DIP2C: variants seen among roughly 807,000 people sequenced by gnomAD.
The protein encoded by DIP2C is DIP2 acetate--CoA ligase C (putative).
DIP2C carries 33 observed loss-of-function variants against 192.4 expected under a neutral mutation model. The observed-to-expected ratio is 0.17, with a 90% confidence interval of 0.13 to 0.23. The LOEUF (loss-of-function observed/expected upper bound fraction) is 0.23, where lower values mean the gene tolerates loss of function less well. Among genes scored for constraint, DIP2C ranks in the 10% least tolerant of loss-of-function variants. The pLI is 1.00. For missense variants in DIP2C, 1,537 were observed against 2,110.1 expected (o/e 0.73, Z 5.32); for synonymous variants, 979 against 864.1 (o/e 1.13, Z -2.33).
chr10:488,381 A>C (rs527893324), intron 1 of DIP2C, among the ~76,000 whole-genome samples: 1 of 152,216 alleles, frequency 6.6e-6, no homozygotes, highest in South Asian at 2.1e-4. Context: ...CCCAAAGATG[A>C]AAGTGTTTAA....
chr10:625,469 G>C (rs753336544), intron 1 of DIP2C, among the ~76,000 whole-genome samples: 14 of 152,288 alleles, frequency 9.2e-5, no homozygotes, highest in Middle Eastern at 3.4e-3. Context: ...GAAAGGCCGC[G>C]AAGAGGCCGG....
intron 1 of DIP2C, among the ~76,000 whole-genome samples, chr10:638,070 C>T (rs897099538): frequency 1.3e-5 from 2 of 152,200 alleles, no homozygotes; most frequent in East Asian, 3.9e-4. Context: ...GACACAGCCC[C>T]GGCCAGGTGT....
chr10:415,959 TCCCACAGC>T lies in DIP2C; in HGVS notation c.740-79_740-72del, dbSNP rs1200105312. 8 of 1,598,430 alleles carry T rather than the reference TCCCACAGC, an allele frequency of 5.0e-6. No individual in the cohort carries two copies. The African/African-American group carries it at 5.5e-5, about 11-fold the overall frequency. ...TCAATGAGCACCCACAGTCCCACAG[TCCCACAGC>T]CCCCTCCCCAGCGCGGCTACAACAG... On this transcript the variant is annotated intron_variant, in intron 6 of 36. Transcript: ENST00000280886.
At chr10:434,927 A>T (rs1967055909) in intron 4 of DIP2C, among the ~76,000 whole-genome samples, 1 of 152,170 alleles carries the variant, frequency 6.6e-6, no homozygotes. Context: ...CGTAGTTTGA[A>T]AATTATATGC....
intron 31 of DIP2C, among the ~76,000 whole-genome samples, chr10:314,483 C>T (rs909746114): frequency 1.3e-5 from 2 of 152,192 alleles, no homozygotes; most frequent in African/African-American, 2.4e-5. Context: ...TCGGCACCAG[C>T]CAGGATTTCC....
intron 1 of DIP2C, among the ~76,000 whole-genome samples, chr10:524,843 G>A (rs888285269): frequency 3.3e-5 from 5 of 151,674 alleles, no homozygotes; most frequent in African/African-American, 4.9e-5. Context: ...CAGGACTTTC[G>A]CTATTTTAAA....
At chr10:571,236 T>G (rs1849777151) in intron 1 of DIP2C, among the ~76,000 whole-genome samples, 1 of 152,202 alleles carries the variant, frequency 6.6e-6, no homozygotes, top group African/African-American at 2.4e-5. Flanking sequence ...CAGCAAACAG[T>G]GGCTGTGCGG....
intron 1 of DIP2C, among the ~76,000 whole-genome samples, chr10:598,632 C>T (rs934901560): frequency 1.3e-5 from 2 of 152,128 alleles, no homozygotes; most frequent in Non-Finnish European, 2.9e-5. Flanking sequence ...AAATTCTTTC[C>T]CCTTGATGAA....
At chr10:469,098 C>A (rs1405205535) in intron 3 of DIP2C, among the ~76,000 whole-genome samples, 2 of 152,026 alleles carry the variant, frequency 1.3e-5, no homozygotes, top group African/African-American at 4.8e-5. Context: ...CTCGGATTCA[C>A]CCTGGGAGCA....
At chr10:567,635 T>C (rs1043576893) in intron 1 of DIP2C, among the ~76,000 whole-genome samples, 2 of 152,180 alleles carry the variant, frequency 1.3e-5, no homozygotes, top group Non-Finnish European at 2.9e-5. Context: ...CAGCATGACA[T>C]AGAAAAGTTT....
chr10:304,481 A>G (rs887470178), intron 32 of DIP2C, among the ~76,000 whole-genome samples: 12 of 152,278 alleles, frequency 7.9e-5, no homozygotes, highest in African/African-American at 2.2e-4. Context: ...TGAAGGGACT[A>G]AAGACCAGCT....
chr10:574,671 C>G (rs1403259668), intron 1 of DIP2C, among the ~76,000 whole-genome samples: 1 of 152,226 alleles, frequency 6.6e-6, no homozygotes, highest in Non-Finnish European at 1.5e-5. Context: ...CTTCAGCTCC[C>G]ATTGATAAAG....
At chr10:415,920 C>A in intron 6 of DIP2C, 32 bp from the exon 7 acceptor site, 1 of 1,612,724 alleles carries the variant, frequency 6.2e-7, no homozygotes, top group Non-Finnish European at 8.5e-7. Context: ...GTGGGGAAAG[C>A]GATCATCACA....
At chr10:369,737 A>G (rs770742029) in intron 17 of DIP2C, 104 bp from the exon 18 acceptor site, 46 of 1,576,692 alleles carry the variant, frequency 2.9e-5, no homozygotes, top group Non-Finnish European at 3.9e-5. Flanking sequence ...CTCTGGGCAC[A>G]GTGCTGGCAC....
intron 4 of DIP2C, among the ~76,000 whole-genome samples, chr10:433,104 T>C (rs1966896397): frequency 2.0e-5 from 3 of 152,222 alleles, no homozygotes; most frequent in Admixed American, 6.5e-5. Context: ...GTCAATTATA[T>C]ACAGTTGACT....
intron 1 of DIP2C, among the ~76,000 whole-genome samples, chr10:493,144 C>G (rs1200448657): frequency 6.6e-6 from 1 of 152,222 alleles, no homozygotes; most frequent in Non-Finnish European, 1.5e-5. Context: ...CCCGGAGATG[C>G]CCCAGCAGTC....
At chr10:333,050 G>A (rs1373996175) in intron 29 of DIP2C, among the ~76,000 whole-genome samples, 1 of 152,184 alleles carries the variant, frequency 6.6e-6, no homozygotes, top group Non-Finnish European at 1.5e-5. Context: ...TGACAGGCGT[G>A]TGCCACCACG....
intron 1 of DIP2C, among the ~76,000 whole-genome samples, chr10:585,313 C>A (rs1215836319): frequency 6.6e-6 from 1 of 152,216 alleles, no homozygotes. Context: ...AAACAGAGGA[C>A]CAAGCTGACA....
chr10:392,187 A>AAGGGACACAGGTG (rs1425920184), intron 10 of DIP2C, among the ~76,000 whole-genome samples: 3 of 152,176 alleles, frequency 2.0e-5, no homozygotes, highest in Non-Finnish European at 2.9e-5. Context: ...CCGACTCTTG[A>AAGGGACACAGGTG]AGGGACACAG....
Sources: allele counts gnomAD v4.1 joint callset (sites outside exome capture counted in the v4.1 genomes callset), GRCh38; gene constraint gnomAD v4.1.1; transcripts MANE v1.5; gene names NCBI Gene and HGNC (gene_info 2026-07-23, HGNC 2026-07-21).